The following IL1RAPL1 variants were observed in gnomAD, a reference collection of about 807,000 sequenced individuals.
IL1RAPL1 encodes interleukin-1 receptor accessory protein-like 1.
In IL1RAPL1, 3 loss-of-function variants were observed where a neutral mutation model predicts 48.4. The observed-to-expected ratio is 0.06, with a 90% CI of 0.03 to 0.16. IL1RAPL1 has a LOEUF of 0.16. Ranked by LOEUF, IL1RAPL1 falls within the 10% of genes least tolerant of loss-of-function variation. The pLI is 1.00. For synonymous variants in IL1RAPL1, 185 were observed against 187.7 expected (o/e 0.99, Z 0.12); for missense variants, 349 against 530.6 (o/e 0.66, Z 3.36).
intron 1 of IL1RAPL1, among the ~76,000 whole-genome samples, chrX:28,646,465 C>T (rs957630128): frequency 3.6e-5 from 4 of 112,204 alleles, no homozygotes; most frequent in Admixed American, 9.5e-5. Context: ...CATTTTACTA[C>T]GAATATATTG....
intron 6 of IL1RAPL1, among the ~76,000 whole-genome samples, chrX:29,675,970 T>C (rs1281376099): frequency 8.9e-6 from 1 of 112,386 alleles, no homozygotes; most frequent in Non-Finnish European, 1.9e-5. Context: ...CAAAAGCTTG[T>C]TATTGCCATT....
chrX:29,647,390 G>A (rs181480810), intron 5 of IL1RAPL1, among the ~76,000 whole-genome samples: 74 of 109,195 alleles, frequency 6.8e-4, no homozygotes, highest in Admixed American at 6.2e-3. Context: ...TAATGATGGC[G>A]TGTAAATTCC....
chrX:29,280,550 T>A (rs1008679707), intron 2 of IL1RAPL1, among the ~76,000 whole-genome samples: 1 of 112,312 alleles, frequency 8.9e-6, no homozygotes, highest in African/African-American at 3.2e-5. Flanking sequence ...TTTCTTCAAC[T>A]GTATAATTTG....
At chrX:29,772,816 A>G (rs1424410038) in intron 6 of IL1RAPL1, among the ~76,000 whole-genome samples, 1 of 111,475 alleles carries the variant, frequency 9.0e-6, no homozygotes, top group Non-Finnish European at 1.9e-5. Flanking sequence ...TACCATAGAA[A>G]TAATACAGTG....
chrX:29,520,402 A>G (rs1170877668), intron 5 of IL1RAPL1, among the ~76,000 whole-genome samples: 1 of 111,644 alleles, frequency 9.0e-6, no homozygotes, highest in Non-Finnish European at 1.9e-5. Context: ...GATGCTACAT[A>G]TTTTCTGCCT....
intron 2 of IL1RAPL1, among the ~76,000 whole-genome samples, chrX:29,086,835 A>T (rs1173974271): frequency 4.5e-5 from 5 of 112,264 alleles, no homozygotes; most frequent in Non-Finnish European, 9.4e-5. Flanking sequence ...AAGATTGGCA[A>T]TGAAGAAGCT....
intron 1 of IL1RAPL1, among the ~76,000 whole-genome samples, chrX:28,601,334 A>G (rs1274750233): frequency 9.0e-6 from 1 of 111,488 alleles, no homozygotes; most frequent in Admixed American, 9.5e-5. Flanking sequence ...CTGAGGCAGG[A>G]GAATTGCTTG....
intron 8 of IL1RAPL1, among the ~76,000 whole-genome samples, chrX:29,931,693 A>G (rs1374595269): frequency 8.9e-6 from 1 of 112,300 alleles, no homozygotes; most frequent in East Asian, 2.8e-4. Context: ...GGCTTCTTCT[A>G]TTGGTTATCT....
At chrX:28,734,953 T>C (rs1316566714) in intron 1 of IL1RAPL1, among the ~76,000 whole-genome samples, 2 of 112,186 alleles carry the variant, frequency 1.8e-5, no homozygotes, top group Admixed American at 9.5e-5. Context: ...TCTGCTACTT[T>C]CGTTTGCTAA....
chrX:29,308,056 A>T (rs1295005331), intron 3 of IL1RAPL1, among the ~76,000 whole-genome samples: 1 of 112,097 alleles, frequency 8.9e-6, no homozygotes, highest in African/African-American at 3.2e-5. Context: ...GTTGCAAGTG[A>T]CAGAAAACCG....
chrX:28,773,515 T>C (rs1936330201), intron 1 of IL1RAPL1, among the ~76,000 whole-genome samples: 1 of 111,833 alleles, frequency 8.9e-6, no homozygotes, highest in Non-Finnish European at 1.9e-5. Context: ...AACTTACCTT[T>C]CCTCCCATTT....
At chrX:29,738,582 C>T (rs1330051982) in intron 6 of IL1RAPL1, among the ~76,000 whole-genome samples, 27 of 108,161 alleles carry the variant, frequency 2.5e-4, no homozygotes, top group African/African-American at 7.8e-4. Flanking sequence ...AGTAGCTGGG[C>T]TACAGGCGAG....
At chrX:29,773,086 T>A (rs1929106881) in intron 6 of IL1RAPL1, among the ~76,000 whole-genome samples, 1 of 112,372 alleles carries the variant, frequency 8.9e-6, no homozygotes, top group East Asian at 2.8e-4. Flanking sequence ...TACAATTAAC[T>A]CTTAACCTAC....
At chrX:29,015,184 G>A (rs781667153) in intron 2 of IL1RAPL1, among the ~76,000 whole-genome samples, 5 of 111,211 alleles carry the variant, frequency 4.5e-5, no homozygotes, top group South Asian at 3.8e-4. Context: ...TGTTGGATCA[G>A]TGTATGAATA....
chrX:29,165,287 C>A (rs1929765920), intron 2 of IL1RAPL1, among the ~76,000 whole-genome samples: 1 of 111,344 alleles, frequency 9.0e-6, no homozygotes, highest in Admixed American at 9.6e-5. Context: ...CCATTACACT[C>A]CAACCTGGGC....
At chrX:29,468,554 C>CT (rs67588338) in intron 5 of IL1RAPL1, among the ~76,000 whole-genome samples, 46,173 of 110,607 alleles carry the variant, frequency 0.42, 7,567 homozygotes, top group East Asian at 0.75. Flanking sequence ...AATTCTTCGA[C>CT]TTTTTTACTT....
chrX:28,885,572 C>T (rs1003247249), intron 2 of IL1RAPL1, among the ~76,000 whole-genome samples: 16 of 111,721 alleles, frequency 1.4e-4, no homozygotes, highest in African/African-American at 5.2e-4. Flanking sequence ...TTAATTTTAA[C>T]ATATGTTTAA....
rs1160543169 is a variant in IL1RAPL1 at position 29,372,773 on chromosome X, CTTTTTT to C, written c.363-23467_363-23462del. 6.6e-3 allele frequency among the ~76,000 whole-genome samples: 418 copies of C among 63,431 alleles called. 1 individual carries two copies. The highest frequency in any genetic ancestry group is 0.025 in the African/African-American group (392 of 15,721). 55.1% of individuals were successfully genotyped at this position (63,431 alleles called of 115,157 possible). ...TGTTCTATTCCATTGGTCTATGTGT[CTTTTTT>C]TTTTTTTTTTTTTTTTTGTACCAAT... On this transcript the variant is annotated intron_variant, in intron 3 of 10. Transcript: ENST00000378993.
intron 8 of IL1RAPL1, among the ~76,000 whole-genome samples, chrX:29,922,870 A>T (rs1444190013): frequency 1.8e-5 from 2 of 111,937 alleles, no homozygotes; most frequent in Non-Finnish European, 3.8e-5. Context: ...TAAATTCCTT[A>T]ACTTATAAGC....
Sources: allele counts gnomAD v4.1 joint callset (sites outside exome capture counted in the v4.1 genomes callset), GRCh38; gene constraint gnomAD v4.1.1; transcripts MANE v1.5; gene names NCBI Gene and HGNC (gene_info 2026-07-23, HGNC 2026-07-21).